The following SAA2 variants were observed in gnomAD, a reference collection of about 807,000 sequenced individuals.
The protein encoded by SAA2 is serum amyloid A-2 protein.
A neutral mutation model predicts 9.1 loss-of-function variants in SAA2; 5 were observed. The ratio of observed to expected loss-of-function variants is 0.55; its 90% confidence interval spans 0.29 to 1.16. The LOEUF (loss-of-function observed/expected upper bound fraction) is 1.16. Among genes scored for constraint, SAA2 ranks in the 50% most tolerant of loss-of-function variants. The probability of loss-of-function intolerance (pLI) is 0.09; values close to 1 mark genes in which losing one functional copy is unlikely to be tolerated. For synonymous variants in SAA2, 49 were observed against 59.8 expected (o/e 0.82, Z 0.83); for missense variants, 94 against 153.8 (o/e 0.61, Z 2.06).
chr11:18,240,044 G>A, intron 3 of SAA2: 1 of 1,532,212 alleles, frequency 6.5e-7, no homozygotes, highest in Non-Finnish European at 8.8e-7. Flanking sequence ...ATCACAGGAG[G>A]GTGATTTCCC....
At chr11:18,241,596 T>C (rs1420947956), downstream of SAA2, among the ~76,000 whole-genome samples, 1 of 152,158 alleles carries the variant, frequency 6.6e-6, no homozygotes, top group Non-Finnish European at 1.5e-5. Context: ...TGAAATCGTA[T>C]CTTTTGCTGC....
rs1857469124 is a variant in SAA2, at chr11:18,245,320, A to G, written c.*57T>C. On this transcript the variant is annotated 3_prime_UTR_variant, in exon 4 of 4. Transcript: ENST00000256733. ...TGGACATAGACCTCACTAACTTTGT[A>G]TCCCTGCCCCGAGGGCCTCATAGCC... 1.2e-6 allele frequency: 2 copies of G among 1,606,682 alleles called. No homozygotes were observed. The highest frequency in any genetic ancestry group is 1.7e-6 in the Non-Finnish European group (2 of 1,175,858).
intron 3 of SAA2, chr11:18,240,054 C>A: frequency 6.7e-7 from 1 of 1,495,224 alleles, no homozygotes; most frequent in Non-Finnish European, 9.1e-7. Flanking sequence ...GGTGATTTCC[C>A]AATAACCCAA....
At chr11:18,244,076 G>C (rs1366727250), downstream of SAA2, among the ~76,000 whole-genome samples, 1 of 152,200 alleles carries the variant, frequency 6.6e-6, no homozygotes, top group Non-Finnish European at 1.5e-5. Context: ...AGATCTGAGT[G>C]GCATCCCAAG....
At chr11:18,242,710 A>G (rs528625887), downstream of SAA2, 54 of 687,148 alleles carry the variant, frequency 7.9e-5, 2 homozygotes, top group South Asian at 7.2e-4. Flanking sequence ...GGCAAGTGTC[A>G]TGGCGCACAT....
chr11:18,240,269 T>C (rs1184590589), downstream of SAA2: 2 of 702,736 alleles, frequency 2.8e-6, no homozygotes, highest in Admixed American at 2.0e-5. Context: ...GTTGTGGTTG[T>C]ATTCCTCAGT....
downstream of SAA2, chr11:18,240,408 C>T (rs139232654): frequency 6.2e-5 from 41 of 657,084 alleles, no homozygotes; most frequent in African/African-American, 6.2e-4. Context: ...TGCTGCCTTT[C>T]AAAGGCCTTT....
rs764543995 is a variant in SAA2, at chr11:18,245,391, G to A, written c.355C>T (p.Pro119Ser). Residue 119 changes from proline to serine, a missense_variant, in exon 4 of 4, where the codon CCT becomes TCT. Physicochemically the swap from Pro to Ser is moderately conservative, Grantham distance 74. This residue lies in a region of SAA2 where 62 missense variants were observed against 58.3 expected (regional missense o/e 1.06). Transcript: ENST00000256733. ...DPNHFRPAGL[P>S]EKY The stretch of plus-strand genomic sequence containing the variant: ...GAAGAGGAAGCTCAGTATTTCTCAG[G>A]CAGGCCAGCAGGTCGGAAGTGATTG... 16 of 1,614,094 alleles carry A rather than the reference G, an allele frequency of 9.9e-6. No individual in the cohort carries two copies. The highest frequency in any genetic ancestry group is 1.1e-5 in the South Asian group (1 of 91,090).
At chr11:18,240,799 A>T (rs1564903634), downstream of SAA2, among the ~76,000 whole-genome samples, 1 of 152,198 alleles carries the variant, frequency 6.6e-6, no homozygotes, top group African/African-American at 2.4e-5. Context: ...TCTACCAAAC[A>T]TTGACCTAGT....
chr11:18,245,165 G>T, downstream of SAA2: 2 of 1,093,600 alleles, frequency 1.8e-6, no homozygotes, highest in Non-Finnish European at 1.3e-6. Context: ...CACCCTTCAT[G>T]TGGGTGTGCA....
At chr11:18,239,386 G>A (rs963976323) in exon 4 of SAA2, 4 of 249,306 alleles carry the variant, frequency 1.6e-5, no homozygotes, top group African/African-American at 8.8e-5. Flanking sequence ...AGTAGTTGGA[G>A]TTCATTTTCT....
At chr11:18,245,605 C>G in intron 3 of SAA2, 90 bp from the exon 4 acceptor site, 1 of 1,535,318 alleles carries the variant, frequency 6.5e-7, no homozygotes, top group Non-Finnish European at 8.9e-7. Context: ...AGGGAGGGCT[C>G]AGAGAGGAGC....
chr11:18,242,673 C>G (rs1186485514), downstream of SAA2: 1 of 651,216 alleles, frequency 1.5e-6, no homozygotes, highest in African/African-American at 1.8e-5. Context: ...CGGCGAAACC[C>G]CATCTCTACA....
At chr11:18,244,294 G>C (rs1014706348), downstream of SAA2, among the ~76,000 whole-genome samples, 1 of 152,182 alleles carries the variant, frequency 6.6e-6, no homozygotes, top group Non-Finnish European at 1.5e-5. Context: ...CAGGGGTTTT[G>C]ATAACCTATC....
At chr11:18,238,471 T>C (rs189756962), downstream of SAA2, among the ~76,000 whole-genome samples, 34 of 152,244 alleles carry the variant, frequency 2.2e-4, no homozygotes, top group East Asian at 6.0e-3. Context: ...CCTACTTTGT[T>C]TTTTTGTGGT....
At chr11:18,239,638 T>C (rs1484035567) in exon 4 of SAA2, 1 of 418,586 alleles carries the variant, frequency 2.4e-6, no homozygotes, top group Non-Finnish European at 4.2e-6. Flanking sequence ...CTAATCAATA[T>C]CTCCATCAGG....
chr11:18,240,028 G>C lies in SAA2; in HGVS notation c.231-59C>G. Reference sequence around the variant, plus strand: ...TATACACGTATTTTAACATGCAAGGGGGAAAATCACAGGAGGGTGATTTCC... The same window carrying C: ...TATACACGTATTTTAACATGCAAGGCGGAAAATCACAGGAGGGTGATTTCC... On this transcript the variant is annotated intron_variant, in intron 3 of 3. Transcript: ENST00000414546. 2.6e-6 allele frequency: 4 copies of C among 1,545,670 alleles called. No homozygotes were observed. In the East Asian group the frequency reaches 9.8e-5, roughly 38 times the overall value.
chr11:18,243,635 T>G (rs950623073), downstream of SAA2, among the ~76,000 whole-genome samples: 3 of 152,310 alleles, frequency 2.0e-5, no homozygotes, highest in Admixed American at 2.0e-4. Flanking sequence ...ATACCTACAC[T>G]TCTATTAGTG....
In SAA2 at chr11:18,245,467, G is replaced by A. The variant is rs1195884212; in HGVS notation, c.279C>T (p.Asp93=). 4 of 1,614,076 alleles carry A rather than the reference G, an allele frequency of 2.5e-6. No homozygotes were observed. Among genetic ancestry groups the A allele is most frequent in the Non-Finnish European group, 3.4e-6 (4 of 1,180,038 alleles). ...TATTGGCAGCCTGATCGGCCAGCGAGTCCTCCGCACCACGGCCTGTGAGTC... is the reference window on the plus strand; with the variant it reads ...TATTGGCAGCCTGATCGGCCAGCGAATCCTCCGCACCACGGCCTGTGAGTC... The part of the protein sequence containing the change: ...IQRLTGRGAE[D]SLADQAANKW... The change falls in exon 4 of 4, where the codon GAC becomes GAT. Residue 93 remains aspartate, a synonymous_variant. Transcript: ENST00000256733.
Sources: allele counts gnomAD v4.1 joint callset (sites outside exome capture counted in the v4.1 genomes callset), GRCh38; gene constraint gnomAD v4.1.1; regional missense constraint gnomAD v4.1.1; transcripts MANE v1.5; gene names NCBI Gene and HGNC (gene_info 2026-07-23, HGNC 2026-07-21).